Variants in CPNE4 observed in about 807,000 individuals in gnomAD.
CPNE4 encodes the protein copine-4.
Under a neutral mutation model 67.9 loss-of-function variants are expected in CPNE4, and 25 were observed. The ratio of observed to expected loss-of-function variants is 0.37; its 90% confidence interval spans 0.27 to 0.51. The LOEUF (loss-of-function observed/expected upper bound fraction) is 0.51, where lower values mean the gene tolerates loss of function less well. CPNE4 is among the 20% of genes least tolerant of loss of function. The probability of loss-of-function intolerance (pLI) is 0.93; values close to 1 mark genes in which losing one functional copy is unlikely to be tolerated. For missense variants in CPNE4, 464 were observed against 690.8 expected, an observed-to-expected ratio of 0.67 and a Z score of 3.68; for synonymous variants, 242 against 244.9, an observed-to-expected ratio of 0.99 and a Z score of 0.11.
At chr3:131,625,906 A>G (rs2079061525) in intron 7 of CPNE4, among the ~76,000 whole-genome samples, 1 of 152,186 alleles carries the variant, frequency 6.6e-6, no homozygotes, top group Non-Finnish European at 1.5e-5. Context: ...ATGTCTCTGC[A>G]TCACGTTTTG....
At chr3:131,733,281 C>G (rs941614501) in intron 2 of CPNE4, among the ~76,000 whole-genome samples, 6 of 152,164 alleles carry the variant, frequency 3.9e-5, no homozygotes, top group Non-Finnish European at 7.3e-5. Context: ...CTCCAAACAC[C>G]ATCGTCTGGG....
chr3:131,764,152 CTATT>C (rs1470768163), intron 2 of CPNE4, among the ~76,000 whole-genome samples: 1 of 151,710 alleles, frequency 6.6e-6, no homozygotes, highest in African/African-American at 2.4e-5. Context: ...TTCTCAAACT[CTATT>C]TATGTTATCT....
chr3:131,851,914 G>C (rs933285540), intron 2 of CPNE4, among the ~76,000 whole-genome samples: 4 of 151,982 alleles, frequency 2.6e-5, no homozygotes, highest in Non-Finnish European at 4.4e-5. Flanking sequence ...TAGGATTCCA[G>C]CCCTTTCCTG....
chr3:131,865,540 T>G (rs970526573), intron 2 of CPNE4, among the ~76,000 whole-genome samples: 5 of 152,100 alleles, frequency 3.3e-5, no homozygotes, highest in Non-Finnish European at 1.5e-5. Context: ...TAATCACCCC[T>G]ATAAGGGAGC....
chr3:131,731,375 T>C (rs373434502), intron 2 of CPNE4, among the ~76,000 whole-genome samples: 3 of 152,286 alleles, frequency 2.0e-5, no homozygotes, highest in East Asian at 1.9e-4. Flanking sequence ...CAAGTGCTAA[T>C]ATGTTCTGGG....
chr3:131,603,616 A>T (rs1200118045), intron 7 of CPNE4, among the ~76,000 whole-genome samples: 1 of 152,186 alleles, frequency 6.6e-6, no homozygotes, highest in East Asian at 1.9e-4. Context: ...CAGGGTTATA[A>T]GACAGAAAGG....
intron 1 of CPNE4, among the ~76,000 whole-genome samples, chr3:131,937,322 G>A (rs760871112): frequency 9.9e-5 from 15 of 152,178 alleles, no homozygotes; most frequent in South Asian, 2.1e-4. Flanking sequence ...ACTTGCATCC[G>A]ATTTTTCTAC....
intron 1 of CPNE4, among the ~76,000 whole-genome samples, chr3:131,915,734 A>G (rs943671724): frequency 1.3e-4 from 20 of 152,198 alleles, no homozygotes; most frequent in African/African-American, 4.6e-4. Context: ...CAACGGAGAG[A>G]CCAAAAGAAA....
intron 6 of CPNE4, among the ~76,000 whole-genome samples, chr3:131,678,019 G>A (rs1013160197): frequency 6.6e-6 from 1 of 152,102 alleles, no homozygotes; most frequent in Non-Finnish European, 1.5e-5. Context: ...AAATTGCTTT[G>A]GGAATATGCC....
intron 6 of CPNE4, among the ~76,000 whole-genome samples, chr3:131,682,176 G>A (rs2080775728): frequency 6.6e-6 from 1 of 152,012 alleles, no homozygotes. Flanking sequence ...TTTCATGAAT[G>A]GTCCTGATGC....
intron 10 of CPNE4, among the ~76,000 whole-genome samples, chr3:131,570,837 T>C (rs1937301455): frequency 6.6e-6 from 1 of 152,064 alleles, no homozygotes; most frequent in South Asian, 2.1e-4. Flanking sequence ...TCATTGACTG[T>C]CTAGGGCTCT....
At chr3:131,796,271 T>C (rs2083915441) in intron 2 of CPNE4, among the ~76,000 whole-genome samples, 1 of 152,140 alleles carries the variant, frequency 6.6e-6, no homozygotes, top group African/African-American at 2.4e-5. Flanking sequence ...TTTGGAATCA[T>C]CTTCAGCCTC....
At chr3:131,828,324 C>T (rs1452962422) in intron 2 of CPNE4, among the ~76,000 whole-genome samples, 1 of 152,114 alleles carries the variant, frequency 6.6e-6, no homozygotes, top group Non-Finnish European at 1.5e-5. Context: ...GAAAGTGTCT[C>T]CCTAATTTAT....
intron 1 of CPNE4, among the ~76,000 whole-genome samples, chr3:132,005,319 A>ATG: frequency 4.7e-5 from 1 of 21,166 alleles, no homozygotes; most frequent in African/African-American, 8.7e-5. Context: ...TTTTACATAT[A>ATG]TATATATATA....
intron 7 of CPNE4, among the ~76,000 whole-genome samples, chr3:131,638,324 A>G (rs74757289): frequency 0.15 from 23,300 of 152,104 alleles, 3,861 homozygotes; most frequent in African/African-American, 0.42. Context: ...ACTCACATAA[A>G]CTTAAGGTAA....
At chr3:132,037,684 C>T, upstream of CPNE4, 2 of 1,310,942 alleles carry the variant, frequency 1.5e-6, no homozygotes, top group Non-Finnish European at 2.1e-6. Flanking sequence ...GAAGCTTCAG[C>T]TCTGGGTAGA....
At chr3:131,698,630 G>T (rs956046746) in intron 4 of CPNE4, among the ~76,000 whole-genome samples, 3 of 149,264 alleles carry the variant, frequency 2.0e-5, no homozygotes, top group Non-Finnish European at 4.4e-5. Flanking sequence ...AAAAAATCAG[G>T]GCAGGGTGCA....
chr3:131,572,074 A>C (rs980465009), intron 10 of CPNE4, among the ~76,000 whole-genome samples: 4 of 151,884 alleles, frequency 2.6e-5, no homozygotes, highest in African/African-American at 9.7e-5. Context: ...AATTCAGCAA[A>C]AGTATTTTGA....
chr3:131,755,488 G>T (rs1032477324), intron 2 of CPNE4, among the ~76,000 whole-genome samples: 2 of 152,132 alleles, frequency 1.3e-5, no homozygotes, highest in Non-Finnish European at 2.9e-5. Flanking sequence ...TTTACACCAA[G>T]AAACTAATTG....
Sources: gnomAD v4.1 joint callset for allele counts (sites outside exome capture counted in the v4.1 genomes callset) on GRCh38, gnomAD v4.1.1 for gene constraint, MANE v1.5 for transcripts, NCBI Gene and HGNC (gene_info 2026-07-23, HGNC 2026-07-21) for gene names.